The following RALYL variants were observed in gnomAD, a reference collection of about 807,000 sequenced individuals.
RALYL encodes RNA-binding Raly-like protein.
Under a neutral mutation model 35.1 loss-of-function variants are expected in RALYL, and 29 were observed. The observed-to-expected ratio is 0.83, with a 90% confidence interval of 0.61 to 1.13. RALYL has a LOEUF of 1.13. Among genes scored for constraint, RALYL ranks in the 50% most tolerant of loss-of-function variants. The probability of loss-of-function intolerance (pLI) is 0.00; values close to 1 mark genes in which losing one functional copy is unlikely to be tolerated. For synonymous variants in RALYL, 120 were observed against 127.6 expected (o/e 0.94, Z 0.40); for missense variants, 359 against 360.4 (o/e 1.00, Z 0.03).
chr8:84,865,153 C>A (rs573130798), intron 6 of RALYL, among the ~76,000 whole-genome samples: 27 of 152,134 alleles, frequency 1.8e-4, no homozygotes, highest in Non-Finnish European at 3.8e-4. Flanking sequence ...TATAAATATT[C>A]ATTAATTTAT....
At chr8:84,395,251 C>G (rs1458800556) in intron 1 of RALYL, among the ~76,000 whole-genome samples, 1 of 151,698 alleles carries the variant, frequency 6.6e-6, no homozygotes, top group Non-Finnish European at 1.5e-5. Context: ...TTATTTCTGT[C>G]TTTGTTGTCA....
intron 1 of RALYL, among the ~76,000 whole-genome samples, chr8:84,285,568 T>C (rs1314017604): frequency 1.3e-5 from 2 of 152,084 alleles, no homozygotes; most frequent in Non-Finnish European, 2.9e-5. Context: ...AGCGGGGGCA[T>C]TATCGTTCTA....
intron 1 of RALYL, among the ~76,000 whole-genome samples, chr8:84,211,591 G>C (rs1203290488): frequency 6.6e-6 from 1 of 152,094 alleles, no homozygotes; most frequent in African/African-American, 2.4e-5. Flanking sequence ...GAAGCTCTCT[G>C]TTCTATGTTT....
intron 1 of RALYL, among the ~76,000 whole-genome samples, chr8:84,313,007 A>T (rs897134861): frequency 6.6e-6 from 1 of 152,182 alleles, no homozygotes; most frequent in Non-Finnish European, 1.5e-5. Context: ...AGGCATTTCC[A>T]TACATCCTCT....
intron 1 of RALYL, among the ~76,000 whole-genome samples, chr8:84,196,371 C>G (rs777615035): frequency 1.3e-4 from 20 of 152,078 alleles, no homozygotes; most frequent in Non-Finnish European, 2.1e-4. Context: ...AGAAACGATG[C>G]AAGTCATGCA....
At chr8:84,466,235 A>G (rs1227385187) in intron 1 of RALYL, among the ~76,000 whole-genome samples, 2 of 141,116 alleles carry the variant, frequency 1.4e-5, no homozygotes, top group Non-Finnish European at 1.5e-5. Flanking sequence ...TTCAAAGGGA[A>G]TGCTTCCAGG....
intron 2 of RALYL, among the ~76,000 whole-genome samples, chr8:84,649,634 A>G (rs1828273524): frequency 6.6e-6 from 1 of 151,784 alleles, no homozygotes. Flanking sequence ...TGTTCCATTG[A>G]TCTATATCTC....
intron 8 of RALYL, among the ~76,000 whole-genome samples, chr8:84,908,527 T>C (rs1347879715): frequency 6.6e-6 from 1 of 152,160 alleles, no homozygotes. Context: ...TAAAAGCCAG[T>C]CCTTCCTTCT....
intron 7 of RALYL, among the ~76,000 whole-genome samples, chr8:84,884,956 G>T (rs1321875102): frequency 6.6e-6 from 1 of 152,020 alleles, no homozygotes; most frequent in Non-Finnish European, 1.5e-5. Flanking sequence ...AGAGTGGGGG[G>T]CCAAAACCAG....
At chr8:84,822,175 T>C (rs933825796) in intron 4 of RALYL, among the ~76,000 whole-genome samples, 4 of 152,148 alleles carry the variant, frequency 2.6e-5, no homozygotes, top group Non-Finnish European at 2.9e-5. Context: ...TATAGCCCAA[T>C]TGGATACTAA....
intron 2 of RALYL, among the ~76,000 whole-genome samples, chr8:84,549,164 A>G (rs944895073): frequency 3.3e-5 from 5 of 152,202 alleles, no homozygotes; most frequent in East Asian, 1.9e-4. Flanking sequence ...ATTTCTCTCC[A>G]TGTGCTTACT....
chr8:84,298,951 GC>G (rs1272556407), intron 1 of RALYL, among the ~76,000 whole-genome samples: 10 of 152,010 alleles, frequency 6.6e-5, no homozygotes, highest in Non-Finnish European at 1.5e-5. Context: ...AGATCTAGGA[GC>G]TTTTGCGAAG....
intron 2 of RALYL, among the ~76,000 whole-genome samples, chr8:84,719,903 T>A (rs1289403734): frequency 1.3e-5 from 2 of 152,084 alleles, no homozygotes; most frequent in African/African-American, 4.8e-5. Context: ...AGTTAATCAA[T>A]CTCTCATTAT....
rs60722546 is a variant in RALYL at position 84,595,307 on chromosome 8, C to A, written c.256+65730C>A. ...GCCTATTGACTCATTAAGAGAAGAG[C>A]ATTGTTGGAATGTGATTTACTTAGA... On this transcript the variant is annotated intron_variant, in intron 2 of 8. Coordinates refer to ENST00000521268, the MANE Select transcript of RALYL (RefSeq NM_173848.7). Among the ~76,000 whole-genome samples, 21 of 152,158 alleles carry A rather than the reference C, an allele frequency of 1.4e-4. No individual in the cohort carries two copies. The East Asian group carries it at 3.9e-3, about 28-fold the overall frequency.
intron 1 of RALYL, among the ~76,000 whole-genome samples, chr8:84,419,558 T>C (rs1005233812): frequency 1.3e-5 from 2 of 151,998 alleles, no homozygotes; most frequent in African/African-American, 4.8e-5. Flanking sequence ...TTTTTTTTAT[T>C]ATTATACATT....
chr8:84,349,510 A>C (rs1425319616), intron 1 of RALYL, among the ~76,000 whole-genome samples: 1 of 149,952 alleles, frequency 6.7e-6, no homozygotes, highest in Non-Finnish European at 1.5e-5. Flanking sequence ...TGCCTACCAC[A>C]CTGGACATCT....
At chr8:84,897,095 C>T (rs1844889363) in intron 8 of RALYL, among the ~76,000 whole-genome samples, 1 of 152,174 alleles carries the variant, frequency 6.6e-6, no homozygotes, top group Admixed American at 6.5e-5. Context: ...AACTATTTAA[C>T]TTCTTTCAGC....
chr8:84,508,025 G>A (rs953371797), intron 1 of RALYL, among the ~76,000 whole-genome samples: 10 of 152,078 alleles, frequency 6.6e-5, no homozygotes, highest in Admixed American at 5.9e-4. Context: ...TGATGCATTA[G>A]AGTCAATATG....
intron 1 of RALYL, among the ~76,000 whole-genome samples, chr8:84,448,754 CTT>C (rs2049117951): frequency 1.3e-5 from 2 of 151,994 alleles, no homozygotes; most frequent in Admixed American, 1.3e-4. Flanking sequence ...GACCTCACCT[CTT>C]ATAGCGTAAA....
Sources: allele counts gnomAD v4.1 joint callset (sites outside exome capture counted in the v4.1 genomes callset), GRCh38; gene constraint gnomAD v4.1.1; transcripts MANE v1.5; gene names NCBI Gene and HGNC (gene_info 2026-07-23, HGNC 2026-07-21).